POLG2: variants seen among roughly 807,000 people sequenced by gnomAD.
POLG2 encodes the protein DNA polymerase gamma 2, accessory subunit.
A neutral mutation model predicts 56.5 loss-of-function variants in POLG2; 50 were observed. The observed-to-expected ratio is 0.88, with a 90% confidence interval of 0.71 to 1.12. The LOEUF is 1.12. POLG2 is among the 50% of genes most tolerant of loss of function. The probability of loss-of-function intolerance (pLI) is 0.00; values close to 1 mark genes in which losing one functional copy is unlikely to be tolerated. For missense variants in POLG2, 584 were observed against 583.3 expected (o/e 1.00, Z -0.01); for synonymous variants, 226 against 222.6 (o/e 1.02, Z -0.14).
At chr17:64,492,572 T>C in intron 3 of POLG2, 95 bp downstream of exon 3, 1 of 731,926 alleles carries the variant, frequency 1.4e-6, no homozygotes, top group Non-Finnish European at 2.4e-6. Flanking sequence ...GCTACATACA[T>C]CAAATATAAT....
At chr17:64,491,617 G>T in intron 3 of POLG2, 1 of 1,529,848 alleles carries the variant, frequency 6.5e-7, no homozygotes, top group Non-Finnish European at 9.0e-7. Context: ...TTCAGCCCTA[G>T]TGGCCTTGAT....
intron 4 of POLG2, among the ~76,000 whole-genome samples, chr17:64,490,242 CTATT>C (rs1364981371): frequency 6.6e-6 from 1 of 152,120 alleles, no homozygotes; most frequent in Non-Finnish European, 1.5e-5. Context: ...TAAATACAAA[CTATT>C]TATTAGCTTT....
At chr17:64,482,634 G>A (rs1028238283) in intron 6 of POLG2, among the ~76,000 whole-genome samples, 29 of 152,114 alleles carry the variant, frequency 1.9e-4, no homozygotes. Flanking sequence ...ATTTTAAAAA[G>A]CAAATGAATC....
chr17:64,481,190 G>A, intron 6 of POLG2: 1 of 731,732 alleles, frequency 1.4e-6, no homozygotes, highest in Non-Finnish European at 1.7e-6. Flanking sequence ...TGGTGACTGA[G>A]CTACAGCATC....
At position 64,496,781 on chromosome 17, in the gene POLG2, C is replaced by T. The variant is rs782570089; in HGVS notation, c.188G>A (p.Gly63Glu). The change falls in exon 1 of 8, where the codon GGA (glycine) becomes GAA (glutamate). Residue 63 changes from glycine (G) to glutamate (E), a missense_variant. Coordinates refer to ENST00000539111, the MANE Select transcript of POLG2 (RefSeq NM_007215.4). ...NGEHPEAPGS[G>E]EGSEALLEIC... ...CTCTAACAGCGCCTCGCTTCCCTCT[C>T]CAGACCCGGGGGCTTCTGGGTGCTC... 2 of 1,613,946 alleles carry T rather than the reference C, an allele frequency of 1.2e-6. No individual in the cohort carries two copies. The highest frequency in any genetic ancestry group is 1.6e-4 in the Middle Eastern group (1 of 6,062).
chr17:64,492,748 C>G lies in POLG2; in HGVS notation c.714G>C (p.Ser238=). The G allele has an allele frequency of 6.2e-7, 1 of 1,612,526 alleles. No individual in the cohort carries two copies. The highest frequency in any genetic ancestry group is 2.2e-5 in the East Asian group (1 of 44,870). The change falls in exon 3 of 8, where the codon TCG becomes TCC. Residue 238 remains serine (S), a synonymous_variant. Coordinates refer to ENST00000539111, the MANE Select transcript of POLG2 (RefSeq NM_007215.4). Reference sequence around the variant, plus strand: ...TTCTCGGAGGAGTAAACCATACTAACGAAGCTTCAGTCTTCTCACCAATAC... The same window carrying G: ...TTCTCGGAGGAGTAAACCATACTAAGGAAGCTTCAGTCTTCTCACCAATAC... ...VKSIGEKTEA[S]LVWFTPPRTS... is the part of the protein sequence containing the mutation.
At chr17:64,482,833 C>T (rs1568082925) in intron 6 of POLG2, 86 bp downstream of exon 6, 17 of 798,934 alleles carry the variant, frequency 2.1e-5, no homozygotes, top group Middle Eastern at 2.8e-4. Context: ...CAAAAAAATC[C>T]GAGATCCAAA....
chr17:64,479,340 T>C (rs992901547), intron 7 of POLG2, among the ~76,000 whole-genome samples: 2 of 151,932 alleles, frequency 1.3e-5, no homozygotes, highest in Non-Finnish European at 2.9e-5. Context: ...CAAGCCACCA[T>C]GGCCAGGTAA....
At chr17:64,492,646 T>TA (rs782228679) in intron 3 of POLG2, 21 bp downstream of exon 3, 1 of 1,372,324 alleles carries the variant, frequency 7.3e-7, no homozygotes, top group Non-Finnish European at 1.0e-6. Flanking sequence ...ACTATTAAAT[T>TA]AAAGGTAATT....
chr17:64,496,597 C>T lies in POLG2; in HGVS notation c.372G>A (p.Gln124=), dbSNP rs782630812. Residue 124 remains glutamine (Q), a synonymous_variant, in exon 1 of 8, where the codon CAG becomes CAA. Coordinates refer to ENST00000539111, the MANE Select transcript of POLG2 (RefSeq NM_007215.4). ...WWTSVVVFRE[Q]VFPVDALHHK... is the part of the protein sequence containing the mutation. ...GGTGGAGGGCGTCCACCGGGAATAC[C>T]TGCTCCCTGAACACCACCACCGAGG... The T allele has an allele frequency of 1.2e-6, 2 of 1,613,622 alleles. No individual in the cohort carries two copies. The highest frequency in any genetic ancestry group is 4.5e-5 in the East Asian group (2 of 44,884).
At chr17:64,490,511 A>C in intron 4 of POLG2, 1 of 399,890 alleles carries the variant, frequency 2.5e-6, no homozygotes, top group Non-Finnish European at 4.6e-6. Context: ...CATTTGAAGG[A>C]GTGTAAAGGC....
chr17:64,485,848 AT>A lies in POLG2; in HGVS notation c.989del (p.Asn330MetfsTer9). Reference protein sequence around the residue: ...SKLHGRDGRKNVVPCVLSVNG... With the variant: ...SKLHGRDGRKXVVPCVLSVNG... ...TTACAGAGAGAACACAAGGAACCAC[AT>A]TTTTTCGTCCATCTCGGCCCTTCAC... is the stretch of plus-strand genomic sequence containing the variant. On this transcript the variant is annotated frameshift_variant, in exon 5 of 8. Coordinates refer to ENST00000539111, the MANE Select transcript of POLG2 (RefSeq NM_007215.4). LOFTEE classifies it high-confidence loss of function. The A allele has an allele frequency of 6.2e-7, 1 of 1,614,068 alleles. No homozygotes were observed. Among genetic ancestry groups the A allele is most frequent in the Non-Finnish European group, 8.5e-7 (1 of 1,179,952 alleles).
Position 64,485,828 on chromosome 17 carries a change from G to A in POLG2, c.1010C>T (p.Ser337Phe). The A allele has an allele frequency of 6.2e-7, 1 of 1,613,686 alleles. No homozygotes were observed. The highest frequency in any genetic ancestry group is 8.5e-7 in the Non-Finnish European group (1 of 1,179,550). ...GRKNVVPCVL[S>F]VNGDLDRGML... ...GCCTCGGTCTAGGTCCCCATTTACA[G>A]AGAGAACACAAGGAACCACATTTTT... The change falls in exon 5 of 8, where the codon TCT becomes TTT. Residue 337 changes from serine to phenylalanine, a missense_variant. Physicochemically the swap from Ser to Phe is radical, Grantham distance 155. Coordinates refer to ENST00000539111, the MANE Select transcript of POLG2 (RefSeq NM_007215.4).
intron 1 of POLG2, among the ~76,000 whole-genome samples, chr17:64,495,660 T>C (rs1416450625): frequency 1.3e-5 from 2 of 152,208 alleles, no homozygotes; most frequent in African/African-American, 4.8e-5. Context: ...ATATTATCTC[T>C]TCTTTTACAA....
chr17:64,493,266 A>T (rs181142243), intron 1 of POLG2, among the ~76,000 whole-genome samples: 9 of 152,170 alleles, frequency 5.9e-5, no homozygotes, highest in African/African-American at 2.2e-4. Context: ...AAATATACAA[A>T]AATAAGCCAG....
At chr17:64,494,914 C>T (rs1410330032) in intron 1 of POLG2, among the ~76,000 whole-genome samples, 1 of 152,214 alleles carries the variant, frequency 6.6e-6, no homozygotes, top group Non-Finnish European at 1.5e-5. Context: ...TGGCTCACGC[C>T]TGTAATCCCA....
At chr17:64,489,413 T>A (rs1426591398) in intron 4 of POLG2, among the ~76,000 whole-genome samples, 3 of 150,120 alleles carry the variant, frequency 2.0e-5, no homozygotes, top group Non-Finnish European at 3.0e-5. Flanking sequence ...AACCTCATCG[T>A]AGTAACTGAT....
rs782793489 is a variant in POLG2, at chr17:64,485,844, C to A, written c.994G>T (p.Val332Phe). 1 of 1,613,902 alleles carries A rather than the reference C, an allele frequency of 6.2e-7. No homozygotes were observed. The highest frequency in any genetic ancestry group is 1.3e-5 in the African/African-American group (1 of 74,922). ...CCATTTACAGAGAGAACACAAGGAA[C>A]CACATTTTTTCGTCCATCTCGGCCC... ...LHGRDGRKNVVPCVLSVNGDL... is the reference protein window; with the variant it reads ...LHGRDGRKNVFPCVLSVNGDL... The change falls in exon 5 of 8, where the codon GTT becomes TTT. Residue 332 changes from valine (V) to phenylalanine (F), a missense_variant. Val to Phe is a conservative substitution (Grantham distance 50). Coordinates refer to ENST00000539111, the MANE Select transcript of POLG2 (RefSeq NM_007215.4).
Position 64,492,734 on chromosome 17 carries a change from G to A in POLG2, c.728C>T (p.Thr243Ile). 2 of 1,613,222 alleles carry A rather than the reference G, an allele frequency of 1.2e-6. No homozygotes were observed. The highest frequency in any genetic ancestry group is 1.7e-6 in the Non-Finnish European group (2 of 1,179,500). The change falls in exon 3 of 8, where the codon ACT (threonine) becomes ATT (isoleucine). Residue 243 changes from threonine to isoleucine, a missense_variant. Transcript: ENST00000539111. ...CCACTGGTTTGAAGTTCTCGGAGGAGTAAACCATACTAACGAAGCTTCAGT... is the reference window on the plus strand; with the variant it reads ...CCACTGGTTTGAAGTTCTCGGAGGAATAAACCATACTAACGAAGCTTCAGT... Reference protein sequence around the residue: ...EKTEASLVWFTPPRTSNQWLD... With the variant: ...EKTEASLVWFIPPRTSNQWLD...
Sources: gnomAD v4.1 joint callset for allele counts (sites outside exome capture counted in the v4.1 genomes callset) on GRCh38, gnomAD v4.1.1 for gene constraint, MANE v1.5 for transcripts, NCBI Gene and HGNC (gene_info 2026-07-23, HGNC 2026-07-21) for gene names.